The following ANK3 variants were observed in gnomAD, a reference collection of about 807,000 sequenced individuals.
ANK3 encodes the protein ankyrin 3.
In ANK3, 57 loss-of-function variants were observed where a neutral mutation model predicts 370.9. The observed-to-expected ratio is 0.15, with a 90% CI of 0.12 to 0.19. The LOEUF is 0.19. Among genes scored for constraint, ANK3 ranks in the 10% least tolerant of loss-of-function variants. The pLI, the probability that ANK3 is intolerant of heterozygous loss-of-function variation, is 1.00. For missense variants in ANK3, 4,439 were observed against 5,302.1 expected (o/e 0.84, Z 5.06); for synonymous variants, 1,929 against 1,946.3 (o/e 0.99, Z 0.23).
chr10:60,686,222 G>A (rs2079266302), intron 1 of ANK3, among the ~76,000 whole-genome samples: 1 of 152,022 alleles, frequency 6.6e-6, no homozygotes, highest in Non-Finnish European at 1.5e-5. Flanking sequence ...AAGAAAATGA[G>A]TGAAGAATAT....
intron 1 of ANK3, among the ~76,000 whole-genome samples, chr10:60,655,486 T>C (rs1306705052): frequency 6.6e-6 from 1 of 151,988 alleles, no homozygotes; most frequent in Non-Finnish European, 1.5e-5. Flanking sequence ...GAAAAATGTT[T>C]CTAGAATAAA....
At chr10:60,534,012 G>T (rs1303102189) in intron 2 of ANK3, among the ~76,000 whole-genome samples, 1 of 152,052 alleles carries the variant, frequency 6.6e-6, no homozygotes, top group Non-Finnish European at 1.5e-5. Flanking sequence ...ACACACCTGA[G>T]GATTTATGAC....
chr10:60,270,569 GAGTA>G (rs1485727176), intron 4 of ANK3, among the ~76,000 whole-genome samples: 6 of 152,098 alleles, frequency 3.9e-5, no homozygotes, highest in Admixed American at 6.6e-5. Flanking sequence ...AGTCTACCAT[GAGTA>G]AGTATTTTAC....
chr10:60,217,510 A>C (rs1313343459), intron 8 of ANK3, among the ~76,000 whole-genome samples: 5 of 151,982 alleles, frequency 3.3e-5, no homozygotes, highest in African/African-American at 7.3e-5. Context: ...TTAATGTCAT[A>C]ATGTTTACCC....
intron 28 of ANK3, among the ~76,000 whole-genome samples, chr10:60,099,330 A>G (rs995174822): frequency 2.6e-5 from 4 of 152,198 alleles, no homozygotes; most frequent in Non-Finnish European, 5.9e-5. Flanking sequence ...ACTCTGTATC[A>G]AGAGTTGTTA....
At chr10:60,278,697 C>G in intron 4 of ANK3, 77 bp downstream of exon 4, 1 of 1,157,486 alleles carries the variant, frequency 8.6e-7, no homozygotes, top group Non-Finnish European at 1.3e-6. Flanking sequence ...GATATGTGAA[C>G]TAAGCAAGCA....
intron 42 of ANK3, among the ~76,000 whole-genome samples, chr10:60,051,269 C>T (rs2077937151): frequency 6.6e-6 from 1 of 152,130 alleles, no homozygotes; most frequent in South Asian, 2.1e-4. Flanking sequence ...ATCAAATAGG[C>T]CTATACAGAA....
chr10:60,184,672 C>T (rs2096280158), intron 17 of ANK3, among the ~76,000 whole-genome samples: 1 of 152,242 alleles, frequency 6.6e-6, no homozygotes, highest in African/African-American at 2.4e-5. Context: ...AAAACAAGCA[C>T]TGAGAAAATT....
At chr10:60,536,088 C>T (rs1217933516) in intron 2 of ANK3, among the ~76,000 whole-genome samples, 4 of 152,062 alleles carry the variant, frequency 2.6e-5, no homozygotes, top group Non-Finnish European at 5.9e-5. Flanking sequence ...TTACAAAATG[C>T]TTGTGATCTT....
intron 23 of ANK3, among the ~76,000 whole-genome samples, chr10:60,142,322 A>G (rs1205751672): frequency 1.3e-5 from 2 of 152,100 alleles, no homozygotes; most frequent in African/African-American, 4.8e-5. Flanking sequence ...GACTCTTTCT[A>G]GAAGCCGTCG....
intron 36 of ANK3, among the ~76,000 whole-genome samples, chr10:60,079,024 G>A (rs1462131823): frequency 6.6e-5 from 10 of 152,076 alleles, no homozygotes; most frequent in Non-Finnish European, 1.2e-4. Context: ...GACCTAAAGC[G>A]GCTGGTCCAT....
At chr10:60,493,079 C>CAAAA (rs1268736795) in intron 2 of ANK3, among the ~76,000 whole-genome samples, 5 of 121,544 alleles carry the variant, frequency 4.1e-5, no homozygotes, top group African/African-American at 9.4e-5. Context: ...GACTCCTTCT[C>CAAAA]AAAAAAAAAA....
rs1336917306 is a variant in ANK3 at position 60,698,066 on chromosome 10, C to A, written c.57+35197G>T. On this transcript the variant is annotated intron_variant, in intron 1 of 43. Transcript: ENST00000373827. ...CTCAAACAAATTTACAAGAAAAAAA[C>A]AAACCCCATCAAAAAGTGGGCGAAG... Among the ~76,000 whole-genome samples, 4 of 151,798 alleles carry A rather than the reference C, an allele frequency of 2.6e-5. No homozygotes were observed. The South Asian group carries it at 6.2e-4, about 24-fold the overall frequency.
intron 43 of ANK3, among the ~76,000 whole-genome samples, chr10:60,032,298 C>G (rs2073859194): frequency 6.7e-6 from 1 of 148,366 alleles, no homozygotes; most frequent in Admixed American, 6.8e-5. Flanking sequence ...CCTCCGCCTC[C>G]CGGGTTCAAG....
chr10:60,693,023 G>A (rs2079379252), intron 1 of ANK3, among the ~76,000 whole-genome samples: 1 of 152,214 alleles, frequency 6.6e-6, no homozygotes, highest in Admixed American at 6.5e-5. Flanking sequence ...GCCAGACAGT[G>A]GGCGCAGGTC....
At chr10:60,401,546 T>A (rs542247689) in intron 2 of ANK3, among the ~76,000 whole-genome samples, 18 of 152,318 alleles carry the variant, frequency 1.2e-4, no homozygotes, top group Admixed American at 1.2e-3. Flanking sequence ...ATCCCAAGCA[T>A]CTCTTTATGT....
intron 10 of ANK3, among the ~76,000 whole-genome samples, chr10:60,207,148 G>C (rs2096775543): frequency 6.6e-6 from 1 of 152,164 alleles, no homozygotes; most frequent in South Asian, 2.1e-4. Flanking sequence ...AAAGGTTTTA[G>C]AATTATAGTG....
intron 1 of ANK3, among the ~76,000 whole-genome samples, chr10:60,650,511 T>G (rs2078773693): frequency 1.3e-5 from 2 of 152,114 alleles, no homozygotes; most frequent in Admixed American, 1.3e-4. Context: ...AAGAAAAAAT[T>G]TGCTCCCTAC....
rs985927511 is a variant in ANK3 at position 60,389,412 on chromosome 10, C to T, written c.114+13G>A. 2.5e-6 allele frequency: 4 copies of T among 1,612,218 alleles called. No individual in the cohort carries two copies. In the Admixed American group the frequency reaches 6.7e-5, roughly 27 times the overall value. ...AATCCAGGCAAGATATATGCTCTGG[C>T]ATACATAGATACCTTTTTCTTCCGA... On this transcript the variant is annotated intron_variant, in intron 1 of 43. Transcript: ENST00000280772.
Sources: allele counts gnomAD v4.1 joint callset (sites outside exome capture counted in the v4.1 genomes callset), GRCh38; gene constraint gnomAD v4.1.1; transcripts MANE v1.5; gene names NCBI Gene and HGNC (gene_info 2026-07-23, HGNC 2026-07-21).